Variants in DCDC1 observed in about 807,000 individuals in gnomAD.
The protein encoded by DCDC1 is doublecortin domain containing 1.
DCDC1 carries 200 observed loss-of-function variants against 178.3 expected under a neutral mutation model. The observed-to-expected ratio is 1.12, with a 90% CI of 1.00 to 1.26. The LOEUF is 1.26. DCDC1 is among the 50% of genes most tolerant of loss of function. The probability of loss-of-function intolerance (pLI) is 0.00; values close to 1 mark genes in which losing one functional copy is unlikely to be tolerated. For synonymous variants in DCDC1, 690 were observed against 604.8 expected (o/e 1.14, Z -2.07); for missense variants, 1,983 against 1,749.2 (o/e 1.13, Z -2.38).
chr11:31,360,897 T>C (rs900611046), intron 1 of DCDC1, among the ~76,000 whole-genome samples: 1 of 152,198 alleles, frequency 6.6e-6, no homozygotes, highest in Admixed American at 6.5e-5. Flanking sequence ...GAGGTCCCTG[T>C]GAAGCAAAAT....
chr11:31,033,857 C>T (rs1266136590), intron 20 of DCDC1, among the ~76,000 whole-genome samples: 1 of 152,130 alleles, frequency 6.6e-6, no homozygotes, highest in African/African-American at 2.4e-5. Flanking sequence ...AAAATGTCTA[C>T]AGGCCGGGCA....
intron 25 of DCDC1, among the ~76,000 whole-genome samples, chr11:30,917,682 C>CT (rs1945947783): frequency 6.6e-6 from 1 of 152,128 alleles, no homozygotes; most frequent in Non-Finnish European, 1.5e-5. Flanking sequence ...AAGTTCCAGG[C>CT]CACTGTTGAG....
chr11:31,250,421 C>CATATATGTGTAT (rs1943922178), intron 8 of DCDC1, among the ~76,000 whole-genome samples: 1 of 52,868 alleles, frequency 1.9e-5, no homozygotes, highest in South Asian at 8.7e-4. Flanking sequence ...CACACATATA[C>CATATATGTGTAT]ATATATATGT....
At chr11:30,995,943 C>T (rs751953734) in intron 20 of DCDC1, among the ~76,000 whole-genome samples, 2 of 152,032 alleles carry the variant, frequency 1.3e-5, no homozygotes, top group African/African-American at 2.4e-5. Context: ...AAATTAAAAA[C>T]GTTTGCTCTG....
At chr11:31,119,609 T>C (rs575450597) in intron 11 of DCDC1, among the ~76,000 whole-genome samples, 1 of 152,330 alleles carries the variant, frequency 6.6e-6, no homozygotes, top group South Asian at 2.1e-4. Context: ...TATCATTTAA[T>C]TGTTCCATAG....
At chr11:31,124,873 A>C (rs893958919) in intron 11 of DCDC1, among the ~76,000 whole-genome samples, 3 of 152,180 alleles carry the variant, frequency 2.0e-5, no homozygotes, top group African/African-American at 7.2e-5. Flanking sequence ...GCATGGGCAA[A>C]GATTTTATGA....
intron 11 of DCDC1, among the ~76,000 whole-genome samples, chr11:31,125,546 C>G (rs141419237): frequency 3.0e-4 from 45 of 152,182 alleles, no homozygotes; most frequent in Non-Finnish European, 5.3e-4. Flanking sequence ...CAATGATAGA[C>G]TGGATAAGGA....
At chr11:30,875,825 T>C (rs977133088) in intron 38 of DCDC1, among the ~76,000 whole-genome samples, 4 of 152,192 alleles carry the variant, frequency 2.6e-5, no homozygotes, top group Admixed American at 2.6e-4. Context: ...AAAGCTACCT[T>C]TGCATTTTGA....
chr11:30,882,329 G>A (rs1319843200), intron 36 of DCDC1: 3 of 152,296 alleles, frequency 2.0e-5, no homozygotes, highest in East Asian at 3.9e-4. Context: ...TAAGGGATGA[G>A]TGGATTGAAT....
At chr11:31,020,885 T>C (rs1329801272) in intron 20 of DCDC1, among the ~76,000 whole-genome samples, 1 of 152,176 alleles carries the variant, frequency 6.6e-6, no homozygotes, top group Non-Finnish European at 1.5e-5. Context: ...AAGGGGTGAC[T>C]TCCCATTATA....
intron 8 of DCDC1, among the ~76,000 whole-genome samples, chr11:31,243,174 C>T (rs921790866): frequency 4.0e-5 from 6 of 151,404 alleles, no homozygotes; most frequent in South Asian, 2.1e-4. Flanking sequence ...AAAAGATAAA[C>T]GAGCTTATAT....
In DCDC1 at chr11:30,930,144, T is replaced by C. The variant is rs1352727636; in HGVS notation, c.2897+1627A>G. ...GGTTAATGCAAGTAATATATGTCACTAGAAGTTATTTCTTCTGGAAGATGT... is the reference window on the plus strand; with the variant it reads ...GGTTAATGCAAGTAATATATGTCACCAGAAGTTATTTCTTCTGGAAGATGT... On this transcript the variant is annotated intron_variant, in intron 22 of 38. Coordinates refer to ENST00000684477, the MANE Select transcript of DCDC1 (RefSeq NM_001387274.1). 2.6e-5 allele frequency among the ~76,000 whole-genome samples: 4 copies of C among 152,160 alleles called. No homozygotes were observed. The East Asian group carries it at 7.7e-4, about 29-fold the overall frequency.
chr11:31,361,711 C>A (rs1951718260), intron 1 of DCDC1, among the ~76,000 whole-genome samples: 1 of 152,192 alleles, frequency 6.6e-6, no homozygotes, highest in South Asian at 2.1e-4. Context: ...AAACTCCTGA[C>A]CTCGAGTGAT....
chr11:31,153,180 A>G (rs892867293), intron 9 of DCDC1, among the ~76,000 whole-genome samples: 6 of 152,170 alleles, frequency 3.9e-5, no homozygotes, highest in Non-Finnish European at 7.3e-5. Flanking sequence ...CCTACTGCCT[A>G]CAGGTTAGAA....
At chr11:31,269,930 G>C (rs1394805640) in intron 7 of DCDC1, among the ~76,000 whole-genome samples, 1 of 152,190 alleles carries the variant, frequency 6.6e-6, no homozygotes, top group African/African-American at 2.4e-5. Flanking sequence ...TCAGATGAGA[G>C]AGTATACTTA....
chr11:31,150,327 T>G (rs1965020580), intron 9 of DCDC1, among the ~76,000 whole-genome samples: 1 of 152,150 alleles, frequency 6.6e-6, no homozygotes. Context: ...ACCAGTAGGG[T>G]AGAATATCAT....
At chr11:30,976,537 TAAA>T (rs375485167) in intron 20 of DCDC1, among the ~76,000 whole-genome samples, 4 of 142,894 alleles carry the variant, frequency 2.8e-5, no homozygotes, top group African/African-American at 1.0e-4. Flanking sequence ...TGAATAGACT[TAAA>T]AAAAAAAAGA....
At chr11:31,193,172 T>C (rs148037990) in intron 9 of DCDC1, among the ~76,000 whole-genome samples, 218 of 152,178 alleles carry the variant, frequency 1.4e-3, no homozygotes, top group African/African-American at 5.2e-3. Flanking sequence ...GCAGATGGCA[T>C]ATCATGAGAC....
At chr11:31,263,557 A>C (rs1297576237) in intron 8 of DCDC1, among the ~76,000 whole-genome samples, 1 of 152,230 alleles carries the variant, frequency 6.6e-6, no homozygotes, top group South Asian at 2.1e-4. Context: ...ATATCTAATA[A>C]AAACATTTTT....
Sources: allele counts gnomAD v4.1 joint callset (sites outside exome capture counted in the v4.1 genomes callset), GRCh38; gene constraint gnomAD v4.1.1; transcripts MANE v1.5; gene names NCBI Gene and HGNC (gene_info 2026-07-23, HGNC 2026-07-21).